Variants in PPFIBP1 observed in about 807,000 individuals in gnomAD.
The protein encoded by PPFIBP1 is liprin-beta-1.
In PPFIBP1, 112 loss-of-function variants were observed where a neutral mutation model predicts 137.8. The observed-to-expected ratio is 0.81, with a 90% CI of 0.70 to 0.95. PPFIBP1 has a LOEUF of 0.95. Ranked by LOEUF, PPFIBP1 falls within the 40% of genes least tolerant of loss-of-function variation. The probability of loss-of-function intolerance (pLI) is 0.00; values close to 1 mark genes in which losing one functional copy is unlikely to be tolerated. For missense variants in PPFIBP1, 1,083 were observed against 1,196.6 expected (o/e 0.91, Z 1.40); for synonymous variants, 378 against 417.3 (o/e 0.91, Z 1.15).
In PPFIBP1 at chr12:27,588,564, T is replaced by G. The variant is rs117360308; in HGVS notation, c.-36+10325T>G. Among the ~76,000 whole-genome samples the G allele has an allele frequency of 9.6e-3, 1,459 of 152,328 alleles. 91 individuals carry two copies. The highest frequency in any genetic ancestry group is 0.075 in the Admixed American group (1,150 of 15,296). On this transcript the variant is annotated intron_variant, in intron 2 of 29. Coordinates refer to ENST00000228425, the MANE Select transcript of PPFIBP1 (RefSeq NM_003622.4). ...TGAAGATGTTTGAAGGGTTTTCTTT[T>G]CCTTTCTGAGTGGGTATGCAGGAAA...
At chr12:27,623,857 A>G (rs1418261928) in intron 2 of PPFIBP1, among the ~76,000 whole-genome samples, 1 of 152,140 alleles carries the variant, frequency 6.6e-6, no homozygotes, top group Non-Finnish European at 1.5e-5. Context: ...GTGTTTGCGG[A>G]GCCACTGAGT....
At chr12:27,524,990 T>A (rs1252544032) in intron 1 of PPFIBP1, among the ~76,000 whole-genome samples, 5 of 152,098 alleles carry the variant, frequency 3.3e-5, no homozygotes. Flanking sequence ...AACCGAGAAA[T>A]CCCTTCAGCT....
intron 6 of PPFIBP1, among the ~76,000 whole-genome samples, chr12:27,649,325 A>G (rs1351781857): frequency 3.3e-5 from 5 of 152,322 alleles, no homozygotes; most frequent in Non-Finnish European, 5.9e-5. Flanking sequence ...GGATAATAAG[A>G]ATTTCTACCT....
chr12:27,560,774 A>T (rs1042986201), intron 1 of PPFIBP1, among the ~76,000 whole-genome samples: 16 of 152,220 alleles, frequency 1.1e-4, no homozygotes, highest in African/African-American at 3.6e-4. Flanking sequence ...CCAGAGGTTT[A>T]TCCTTGTGAT....
At chr12:27,657,159 T>G (rs1309720233) in intron 9 of PPFIBP1, 2 of 152,854 alleles carry the variant, frequency 1.3e-5, no homozygotes, top group Non-Finnish European at 2.9e-5. Flanking sequence ...TTCTGTATCT[T>G]TGGAAAAATT....
chr12:27,672,329 T>G, intron 14 of PPFIBP1, 98 bp from the exon 15 acceptor site: 1 of 886,220 alleles, frequency 1.1e-6, no homozygotes. Context: ...ATAGCTTCCT[T>G]TGCATAATTT....
intron 1 of PPFIBP1, among the ~76,000 whole-genome samples, chr12:27,550,977 T>TTATATATATATATA (rs373063647): frequency 1.5e-5 from 2 of 135,942 alleles, no homozygotes; most frequent in African/African-American, 2.9e-5. Flanking sequence ...GGCACTAATT[T>TTATATATATATATA]TATATATATA....
chr12:27,602,218 C>T (rs1334586700), intron 2 of PPFIBP1, among the ~76,000 whole-genome samples: 1 of 152,298 alleles, frequency 6.6e-6, no homozygotes, highest in Admixed American at 6.5e-5. Flanking sequence ...TCCAAAGCAT[C>T]TAGAAACAGG....
At chr12:27,606,373 G>A (rs1158371008) in intron 2 of PPFIBP1, among the ~76,000 whole-genome samples, 3 of 152,144 alleles carry the variant, frequency 2.0e-5, no homozygotes, top group South Asian at 2.1e-4. Flanking sequence ...GAAGGTTGTC[G>A]GGGAGTAAGT....
At chr12:27,647,890 G>C (rs376255329) in intron 6 of PPFIBP1, 48 bp downstream of exon 6, 24 of 1,564,534 alleles carry the variant, frequency 1.5e-5, no homozygotes, top group Non-Finnish European at 2.0e-5. Flanking sequence ...GCTGAACTAT[G>C]TGAGATGCTG....
chr12:27,615,919 C>A (rs577081322), intron 2 of PPFIBP1, among the ~76,000 whole-genome samples: 2 of 151,956 alleles, frequency 1.3e-5, no homozygotes, highest in African/African-American at 4.8e-5. Flanking sequence ...AGTCATCTGG[C>A]GGATAAAGGC....
At chr12:27,653,437 A>G (rs148602365) in intron 7 of PPFIBP1, among the ~76,000 whole-genome samples, 4,362 of 152,080 alleles carry the variant, frequency 0.029, 197 homozygotes, top group African/African-American at 0.1. Context: ...AAATACAAAA[A>G]TTATCTGGGC....
At chr12:27,608,312 G>A (rs1362644248) in intron 2 of PPFIBP1, among the ~76,000 whole-genome samples, 1 of 152,132 alleles carries the variant, frequency 6.6e-6, no homozygotes, top group Non-Finnish European at 1.5e-5. Flanking sequence ...GTATTTTTTA[G>A]GAAACAATTC....
At chr12:27,635,581 T>G (rs1242076260) in intron 4 of PPFIBP1, 1 of 176,426 alleles carries the variant, frequency 5.7e-6, no homozygotes, top group Non-Finnish European at 1.2e-5. Context: ...TGGCAATCAT[T>G]TCAGTTCCAG....
intron 2 of PPFIBP1, among the ~76,000 whole-genome samples, chr12:27,591,905 C>A (rs2052561619): frequency 6.6e-6 from 1 of 152,230 alleles, no homozygotes; most frequent in South Asian, 2.1e-4. Flanking sequence ...TACTGCCACT[C>A]ACTCAAGCCC....
At chr12:27,563,941 T>C (rs28476769) in intron 1 of PPFIBP1, among the ~76,000 whole-genome samples, 146,792 of 150,952 alleles carry the variant, frequency 0.97, 71,492 homozygotes, top group Non-Finnish European at 1. Context: ...GGTGCGATCT[T>C]GGCTCACTGC....
chr12:27,609,467 T>A (rs1303546137), intron 2 of PPFIBP1, among the ~76,000 whole-genome samples: 1 of 152,202 alleles, frequency 6.6e-6, no homozygotes. Context: ...ATGTTACATC[T>A]GTCTACTTCT....
At chr12:27,582,366 G>A (rs1479497617) in intron 2 of PPFIBP1, among the ~76,000 whole-genome samples, 1 of 152,112 alleles carries the variant, frequency 6.6e-6, no homozygotes, top group African/African-American at 2.4e-5. Flanking sequence ...TAAGAAGAGG[G>A]GAGAGGGTCC....
At chr12:27,617,020 C>T (rs2055836080) in intron 2 of PPFIBP1, among the ~76,000 whole-genome samples, 1 of 152,160 alleles carries the variant, frequency 6.6e-6, no homozygotes, top group Non-Finnish European at 1.5e-5. Flanking sequence ...CTTCCTCTGG[C>T]TGTGCTTGGT....
Sources: allele counts gnomAD v4.1 joint callset (sites outside exome capture counted in the v4.1 genomes callset), GRCh38; gene constraint gnomAD v4.1.1; transcripts MANE v1.5; gene names NCBI Gene and HGNC (gene_info 2026-07-23, HGNC 2026-07-21).